Variants in ZNF569 observed in about 807,000 individuals in gnomAD.
ZNF569 encodes zinc finger protein 569.
Under a neutral mutation model 56.3 loss-of-function variants are expected in ZNF569, and 38 were observed. The observed-to-expected ratio is 0.68, with a 90% CI of 0.52 to 0.88. The LOEUF is 0.88. ZNF569 is among the 40% of genes least tolerant of loss of function. ZNF569 has a pLI of 0.00. For missense variants in ZNF569, 666 were observed against 809.2 expected (o/e 0.82, Z 2.15); for synonymous variants, 241 against 262.9 (o/e 0.92, Z 0.81).
At position 37,412,705 on chromosome 19, in the gene ZNF569, A is replaced by C. The variant is rs1182785754; in HGVS notation, c.1953T>G (p.Leu651=). ...KAFSQISSLT[L]HMRKHTGEKP... ...TCTCACCTGTATGTTTTCTCATATGAAGGGTAAGAGATGAGATTTGAGAGA... is the reference window on the plus strand; with the variant it reads ...TCTCACCTGTATGTTTTCTCATATGCAGGGTAAGAGATGAGATTTGAGAGA... The change falls in exon 6 of 6, where the codon CTT becomes CTG. Residue 651 remains leucine, a synonymous_variant. Transcript: ENST00000316950. 1.2e-6 allele frequency: 2 copies of C among 1,613,620 alleles called. No homozygotes were observed. Among genetic ancestry groups the C allele is most frequent in the African/African-American group, 1.3e-5 (1 of 74,814 alleles).
chr19:37,435,715 T>C (rs2041298313), intron 3 of ZNF569, among the ~76,000 whole-genome samples: 1 of 151,814 alleles, frequency 6.6e-6, no homozygotes, highest in African/African-American at 2.4e-5. Flanking sequence ...ATAGACAAAA[T>C]AGACTTCAAG....
chr19:37,457,386 G>T (rs1271683126), intron 2 of ZNF569, among the ~76,000 whole-genome samples: 1 of 151,938 alleles, frequency 6.6e-6, no homozygotes, highest in Admixed American at 6.6e-5. Flanking sequence ...AAAATTTACT[G>T]GCTTATGGTA....
intron 2 of ZNF569, among the ~76,000 whole-genome samples, chr19:37,458,630 T>A (rs1053509303): frequency 2.0e-5 from 3 of 152,208 alleles, no homozygotes; most frequent in Admixed American, 2.0e-4. Flanking sequence ...ACCCACTGAT[T>A]TATCTAAGTA....
At chr19:37,434,806 A>T (rs1408275251) in intron 3 of ZNF569, among the ~76,000 whole-genome samples, 6 of 152,270 alleles carry the variant, frequency 3.9e-5, no homozygotes, top group African/African-American at 1.4e-4. Context: ...CCCACCCTTG[A>T]GAATGTACTT....
At chr19:37,420,699 G>A (rs1008611838) in intron 5 of ZNF569, among the ~76,000 whole-genome samples, 2 of 152,016 alleles carry the variant, frequency 1.3e-5, no homozygotes, top group Non-Finnish European at 2.9e-5. Context: ...CATGAGTGTC[G>A]AATGAACCTC....
chr19:37,445,042 G>A, intron 2 of ZNF569, 78 bp from the exon 3 acceptor site: 1 of 1,098,078 alleles, frequency 9.1e-7, no homozygotes, highest in Non-Finnish European at 1.3e-6. Flanking sequence ...TGGATTAAAG[G>A]TCACCCTGTA....
At chr19:37,455,342 C>T (rs2041655415) in intron 2 of ZNF569, among the ~76,000 whole-genome samples, 1 of 152,124 alleles carries the variant, frequency 6.6e-6, no homozygotes, top group Admixed American at 6.5e-5. Context: ...GAAATAAATT[C>T]ACAAACTAAA....
intron 2 of ZNF569, chr19:37,455,041 T>C (rs752815760): frequency 3.7e-6 from 2 of 543,130 alleles, no homozygotes; most frequent in Non-Finnish European, 6.5e-6. Flanking sequence ...GTTGTAATGA[T>C]TGAAGCAAAG....
intron 2 of ZNF569, among the ~76,000 whole-genome samples, chr19:37,456,606 C>A (rs2041673799): frequency 6.6e-6 from 1 of 152,138 alleles, no homozygotes; most frequent in South Asian, 2.1e-4. Flanking sequence ...TACTTTCCTT[C>A]CCTCTAGTTC....
chr19:37,428,912 ATCTGCCTGCC>A (rs2041180836), intron 3 of ZNF569, among the ~76,000 whole-genome samples: 1 of 152,076 alleles, frequency 6.6e-6, no homozygotes, highest in African/African-American at 2.4e-5. Flanking sequence ...ACCTCAAATG[ATCTGCCTGCC>A]TCGGCCTCCC....
chr19:37,420,796 A>G (rs570811044), intron 5 of ZNF569, among the ~76,000 whole-genome samples: 1 of 152,204 alleles, frequency 6.6e-6, no homozygotes, highest in South Asian at 2.1e-4. Flanking sequence ...CTTTCCAGCC[A>G]GTTTTTACAC....
At chr19:37,452,625 T>A (rs931953553) in intron 2 of ZNF569, among the ~76,000 whole-genome samples, 4 of 152,306 alleles carry the variant, frequency 2.6e-5, no homozygotes, top group African/African-American at 4.8e-5. Flanking sequence ...TTTCAGCTCT[T>A]TGAATATATC....
chr19:37,422,264 ATTG>A (rs992875312), intron 5 of ZNF569, among the ~76,000 whole-genome samples: 2 of 152,112 alleles, frequency 1.3e-5, no homozygotes, highest in Admixed American at 1.3e-4. Flanking sequence ...TAATTTCAAT[ATTG>A]TTGTGTTTCA....
intron 3 of ZNF569, among the ~76,000 whole-genome samples, chr19:37,437,993 A>C (rs932813579): frequency 1.3e-5 from 2 of 152,234 alleles, no homozygotes; most frequent in African/African-American, 4.8e-5. Flanking sequence ...ATGCAACCAC[A>C]AAAGACCCAG....
chr19:37,453,491 T>C (rs1409175021), intron 2 of ZNF569, among the ~76,000 whole-genome samples: 1 of 152,164 alleles, frequency 6.6e-6, no homozygotes, highest in Non-Finnish European at 1.5e-5. Context: ...AAATCCTGGA[T>C]TGACAGTTTT....
At chr19:37,440,344 GAATA>G (rs2041383612) in intron 3 of ZNF569, among the ~76,000 whole-genome samples, 1 of 152,144 alleles carries the variant, frequency 6.6e-6, no homozygotes, top group Non-Finnish European at 1.5e-5. Flanking sequence ...GAAATATTCA[GAATA>G]GATAATATAG....
At chr19:37,461,896 G>A (rs142564931) in intron 2 of ZNF569, among the ~76,000 whole-genome samples, 74 of 152,178 alleles carry the variant, frequency 4.9e-4, no homozygotes, top group African/African-American at 1.4e-3. Flanking sequence ...GCAACTATGC[G>A]GATGAACACT....
chr19:37,421,743 C>CTTTTTTTT (rs748058159), intron 5 of ZNF569, among the ~76,000 whole-genome samples: 14 of 79,688 alleles, frequency 1.8e-4, no homozygotes, highest in African/African-American at 2.1e-4. Context: ...TGTAGTGGCA[C>CTTTTTTTT]TTTTTTTTTT....
intron 3 of ZNF569, among the ~76,000 whole-genome samples, chr19:37,442,060 TCA>T (rs1161326181): frequency 6.6e-6 from 1 of 152,200 alleles, no homozygotes; most frequent in East Asian, 1.9e-4. Flanking sequence ...CAATCAGAAC[TCA>T]CAGGGGATAG....
Sources: gnomAD v4.1 joint callset for allele counts (sites outside exome capture counted in the v4.1 genomes callset) on GRCh38, gnomAD v4.1.1 for gene constraint, MANE v1.5 for transcripts, NCBI Gene and HGNC (gene_info 2026-07-23, HGNC 2026-07-21) for gene names.